The following ADGRV1 variants were observed in gnomAD, a reference collection of about 807,000 sequenced individuals.
ADGRV1 encodes adhesion G protein-coupled receptor V1, also known as G-protein coupled receptor 98.
ADGRV1 carries 359 observed loss-of-function variants against 596.2 expected under a neutral mutation model. The ratio of observed to expected loss-of-function variants is 0.60; its 90% CI spans 0.55 to 0.66. The LOEUF is 0.66. Ranked by LOEUF, ADGRV1 falls within the 30% of genes least tolerant of loss-of-function variation. ADGRV1 has a pLI of 0.00. For missense variants in ADGRV1, 7,274 were observed against 7,575.6 expected (o/e 0.96, Z 1.48); for synonymous variants, 2,681 against 2,679.2 (o/e 1.00, Z -0.02).
rs200468124 is a variant in ADGRV1 at position 90,629,458 on chromosome 5, A to G, written c.1758A>G (p.Pro586=). Residue 586 remains proline (P), a synonymous_variant, in exon 9 of 90, where the codon CCA becomes CCG. Transcript: ENST00000405460. ...NISRRNDLIF[P]EQKTQVTTKL... ...CAAGGAGAAATGACCTCATTTTTCC[A>G]GAGCAAAAAACTCAAGTCACTACAA... is the stretch of plus-strand genomic sequence containing the variant. The G allele has an allele frequency of 2.5e-6, 4 of 1,613,678 alleles. No individual in the cohort carries two copies. The highest frequency in any genetic ancestry group is 1.7e-5 in the Admixed American group (1 of 59,984).
At chr5:90,855,368 A>T (rs188238473) in intron 81 of ADGRV1, among the ~76,000 whole-genome samples, 251 of 152,318 alleles carry the variant, frequency 1.6e-3, no homozygotes, top group African/African-American at 5.7e-3. Flanking sequence ...GAGTAAACAC[A>T]TATCACAGCC....
chr5:90,841,584 A>G (rs889247425), intron 78 of ADGRV1, among the ~76,000 whole-genome samples: 3 of 152,152 alleles, frequency 2.0e-5, no homozygotes, highest in African/African-American at 7.2e-5. Flanking sequence ...TTAAATGGAG[A>G]TGTGAGAGCC....
Position 90,805,437 on chromosome 5 carries a change from G to A in ADGRV1, c.14815G>A (p.Gly4939Ser). 2 of 1,590,530 alleles carry A rather than the reference G, an allele frequency of 1.3e-6. No individual in the cohort carries two copies. Among genetic ancestry groups the A allele is most frequent in the Non-Finnish European group, 1.7e-6 (2 of 1,161,224 alleles). Residue 4939 changes from glycine to serine, a missense_variant, in exon 72 of 90, where the codon GGC becomes AGC. Gly to Ser is a moderately conservative substitution (Grantham distance 56). Transcript: ENST00000405460. ...GLEIPEFIVV[G>S]NMTPTLGSLS... ...AGAAATTCCTGAATTCATTGTTGTT[G>A]GCAACATGACCCCAACACTGGGTGA... is the stretch of plus-strand genomic sequence containing the variant.
intron 30 of ADGRV1, 89 bp from the exon 31 acceptor site, chr5:90,690,708 A>C: frequency 1.4e-4 from 178 of 1,276,434 alleles, no homozygotes; most frequent in Middle Eastern, 2.0e-4. Flanking sequence ...TTAGGGGGGA[A>C]GAGAATCCAC....
intron 9 of ADGRV1, among the ~76,000 whole-genome samples, chr5:90,632,218 C>A (rs956600997): frequency 6.6e-6 from 1 of 152,016 alleles, no homozygotes; most frequent in East Asian, 1.9e-4. Context: ...ATGCAAGAAC[C>A]AGATTATTAA....
chr5:90,813,164 ATTTAT>A (rs1762599762), intron 74 of ADGRV1, among the ~76,000 whole-genome samples: 1 of 70,718 alleles, frequency 1.4e-5, no homozygotes, highest in African/African-American at 4.1e-5. Context: ...AAAAAAAAAA[ATTTAT>A]TTGGCAGTCA....
chr5:90,590,636 A>G (rs1759366900), intron 1 of ADGRV1, among the ~76,000 whole-genome samples: 1 of 152,178 alleles, frequency 6.6e-6, no homozygotes, highest in Non-Finnish European at 1.5e-5. Flanking sequence ...TGGTTTAGCA[A>G]GTCACCAAAG....
intron 85 of ADGRV1, among the ~76,000 whole-genome samples, chr5:91,069,354 A>G (rs567443810): frequency 3.3e-5 from 5 of 152,214 alleles, no homozygotes; most frequent in African/African-American, 4.8e-5. Flanking sequence ...TTCACAAACC[A>G]TACATCTGAC....
At chr5:91,056,936 G>A (rs929333024) in intron 85 of ADGRV1, among the ~76,000 whole-genome samples, 1 of 152,164 alleles carries the variant, frequency 6.6e-6, no homozygotes, top group African/African-American at 2.4e-5. Context: ...CAAACAGCAA[G>A]TAATAAGTCA....
At chr5:90,595,681 C>G (rs1474802849) in intron 1 of ADGRV1, among the ~76,000 whole-genome samples, 21 of 130,966 alleles carry the variant, frequency 1.6e-4, no homozygotes, top group African/African-American at 6.2e-4. Flanking sequence ...CCACCTCCCT[C>G]CCGGACGGGG....
At chr5:90,930,999 A>G (rs2150804429) in intron 83 of ADGRV1, among the ~76,000 whole-genome samples, 1 of 152,282 alleles carries the variant, frequency 6.6e-6, no homozygotes. Flanking sequence ...ACCTCAGAGA[A>G]GGGGCCACTT....
rs372984547 is a variant in ADGRV1 at position 90,629,277 on chromosome 5, A to G, written c.1577A>G (p.Gln526Arg). ...GLITFFPMEN[Q>R]KIESSPGERY... Reference sequence around the variant, plus strand: ...ATAACATTTTTTCCTATGGAAAACCAGAAGATTGAAAGCAGCCCAGGTGAA... The same window carrying G: ...ATAACATTTTTTCCTATGGAAAACCGGAAGATTGAAAGCAGCCCAGGTGAA... Residue 526 changes from glutamine to arginine, a missense_variant, in exon 9 of 90, where the codon CAG becomes CGG. Around this residue, in one of 5 missense-constraint regions of ADGRV1, gnomAD observed 1,715 missense variants for 1,708.8 expected, o/e 1.00. Coordinates refer to ENST00000405460, the MANE Select transcript of ADGRV1 (RefSeq NM_032119.4). 4 of 1,612,672 alleles carry G rather than the reference A, an allele frequency of 2.5e-6. No homozygotes were observed. The highest frequency in any genetic ancestry group is 1.3e-5 in the African/African-American group (1 of 74,856).
chr5:90,688,630 T>C (rs1018688354), intron 29 of ADGRV1, among the ~76,000 whole-genome samples: 2 of 152,036 alleles, frequency 1.3e-5, no homozygotes, highest in African/African-American at 2.4e-5. Flanking sequence ...GCTGGTAGAG[T>C]TTTTATATAT....
chr5:90,759,847 C>A, intron 58 of ADGRV1: 1 of 392,172 alleles, frequency 2.5e-6, no homozygotes, highest in Non-Finnish European at 4.8e-6. Flanking sequence ...TGCCTGTATT[C>A]CCAGATACTT....
At chr5:91,017,414 C>A (rs536443123) in intron 85 of ADGRV1, among the ~76,000 whole-genome samples, 1 of 151,832 alleles carries the variant, frequency 6.6e-6, no homozygotes, top group African/African-American at 2.4e-5. Flanking sequence ...TATGAAATGT[C>A]TTTTGCTTTC....
intron 83 of ADGRV1, among the ~76,000 whole-genome samples, chr5:90,943,793 G>A (rs1275109054): frequency 6.6e-6 from 1 of 152,066 alleles, no homozygotes; most frequent in Non-Finnish European, 1.5e-5. Flanking sequence ...TTCCCTGTGT[G>A]TGTCTGGGTC....
chr5:90,952,499 G>C (rs191715231), intron 83 of ADGRV1, among the ~76,000 whole-genome samples: 1 of 152,146 alleles, frequency 6.6e-6, no homozygotes, highest in Admixed American at 6.6e-5. Flanking sequence ...GGAAGGATGG[G>C]CTATCTTGAC....
rs973810049 is a variant in ADGRV1, at chr5:90,834,890, C to A, written c.16612-5688C>A. 2.0e-5 allele frequency among the ~76,000 whole-genome samples: 3 copies of A among 148,134 alleles called. No individual in the cohort carries two copies. The South Asian group carries it at 6.4e-4, about 32-fold the overall frequency. On this transcript the variant is annotated intron_variant, in intron 77 of 89. Transcript: ENST00000405460. ...CTTTCTTTCTCTTTCTTTCTTTTTT[C>A]TTTCTTTCTCTTTCTTTTTCTTTCT...
intron 87 of ADGRV1, among the ~76,000 whole-genome samples, chr5:91,125,226 A>T (rs1793647605): frequency 6.6e-6 from 1 of 152,214 alleles, no homozygotes; most frequent in Non-Finnish European, 1.5e-5. Flanking sequence ...ACAGAGGTTG[A>T]CATCCCCTAA....
Sources: allele counts gnomAD v4.1 joint callset (sites outside exome capture counted in the v4.1 genomes callset), GRCh38; gene constraint gnomAD v4.1.1; regional missense constraint gnomAD v4.1.1; transcripts MANE v1.5; gene names NCBI Gene and HGNC (gene_info 2026-07-23, HGNC 2026-07-21).